Variants in GALNT17 observed in about 807,000 individuals in gnomAD.
The protein encoded by GALNT17 is UDP-GalNAc:polypeptide N-acetylgalactosaminyltransferase-like 3.
GALNT17 carries 29 observed loss-of-function variants against 63.7 expected under a neutral mutation model. That is an observed-to-expected ratio of 0.46 (90% CI 0.34 to 0.62). GALNT17 has a LOEUF of 0.62. Among genes scored for constraint, GALNT17 ranks in the 20% least tolerant of loss-of-function variants. GALNT17 has a pLI of 0.01. For missense variants in GALNT17, 603 were observed against 799.6 expected (o/e 0.75, Z 2.97); for synonymous variants, 305 against 318.3 (o/e 0.96, Z 0.45).
intron 5 of GALNT17, among the ~76,000 whole-genome samples, chr7:71,553,114 C>A (rs1444725200): frequency 2.6e-5 from 4 of 151,966 alleles, no homozygotes; most frequent in African/African-American, 9.7e-5. Flanking sequence ...TGCCTGAGCT[C>A]AGAAGTCTGA....
At chr7:71,486,663 C>G (rs1787915111) in intron 5 of GALNT17, among the ~76,000 whole-genome samples, 1 of 151,416 alleles carries the variant, frequency 6.6e-6, no homozygotes, top group African/African-American at 2.4e-5. Flanking sequence ...CAAGACCAGC[C>G]TGGGCAACAT....
intron 6 of GALNT17, among the ~76,000 whole-genome samples, chr7:71,585,040 A>T (rs1789695141): frequency 1.3e-5 from 2 of 152,320 alleles, no homozygotes; most frequent in South Asian, 4.1e-4. Flanking sequence ...GATTTAGCAG[A>T]TTGATGTTTC....
intron 5 of GALNT17, among the ~76,000 whole-genome samples, chr7:71,468,163 G>T (rs543419275): frequency 6.6e-6 from 1 of 152,114 alleles, no homozygotes; most frequent in Non-Finnish European, 1.5e-5. Context: ...GTGTAGTTGG[G>T]ACTGCAGATG....
chr7:71,314,297 T>C lies in GALNT17; in HGVS notation c.239-21253T>C, dbSNP rs1189070275. ...TCCGTGTCCATGACACAAAACTGCT[T>C]CTAATTTATTAGGCAATAGTCATTG... On this transcript the variant is annotated intron_variant, in intron 1 of 10. Transcript: ENST00000333538. Among the ~76,000 whole-genome samples the C allele has an allele frequency of 3.9e-5, 6 of 152,114 alleles. No homozygotes were observed. In the East Asian group the frequency reaches 1.2e-3, roughly 29 times the overall value.
At chr7:71,709,764 G>T (rs1791766785) in intron 9 of GALNT17, among the ~76,000 whole-genome samples, 1 of 151,788 alleles carries the variant, frequency 6.6e-6, no homozygotes, top group Non-Finnish European at 1.5e-5. Context: ...ACACCCAGCT[G>T]ATTTTTGTAG....
chr7:71,564,100 G>T (rs2116861267), intron 5 of GALNT17, among the ~76,000 whole-genome samples: 1 of 152,056 alleles, frequency 6.6e-6, no homozygotes, highest in South Asian at 2.1e-4. Context: ...GGTCTTGCCA[G>T]CTCCCAGCAC....
rs1316309878 is a variant in GALNT17 at position 71,701,773 on chromosome 7, A to ATG, written c.1501-8978_1501-8977dup. Among the ~76,000 whole-genome samples, 189 of 116,556 alleles carry ATG rather than the reference A, an allele frequency of 1.6e-3. 2 individuals carry two copies. The highest frequency in any genetic ancestry group is 5.9e-3 in the African/African-American group (179 of 30,334). The allele number at this position is 116,556 out of a possible 152,430, so 76.5% of individuals were successfully genotyped here. A position where few individuals can be genotyped will look rare whatever the true frequency, so the allele number is the denominator to read the frequency against. ...TATATGTATATATATGTGTATATAT[A>ATG]TGTGTGTGTGTATATATATGTGTGT... On this transcript the variant is annotated intron_variant, in intron 9 of 10. Coordinates refer to ENST00000333538, the MANE Select transcript of GALNT17 (RefSeq NM_022479.3).
chr7:71,280,199 A>G (rs1312986920), intron 1 of GALNT17, among the ~76,000 whole-genome samples: 1 of 152,124 alleles, frequency 6.6e-6, no homozygotes, highest in East Asian at 1.9e-4. Context: ...GTCCAGGATA[A>G]TGAGATGGGC....
At chr7:71,334,826 G>T (rs937528730) in intron 1 of GALNT17, among the ~76,000 whole-genome samples, 3 of 151,994 alleles carry the variant, frequency 2.0e-5, no homozygotes, top group Admixed American at 6.6e-5. Flanking sequence ...GGAAAGAGCT[G>T]TGTCAGAATG....
At chr7:71,357,292 G>T (rs552988179) in intron 2 of GALNT17, among the ~76,000 whole-genome samples, 1 of 152,138 alleles carries the variant, frequency 6.6e-6, no homozygotes. Context: ...CAGATCAGCG[G>T]CAGCATTAGA....
At chr7:71,484,263 G>T (rs1040958964) in intron 5 of GALNT17, among the ~76,000 whole-genome samples, 1 of 152,086 alleles carries the variant, frequency 6.6e-6, no homozygotes, top group Non-Finnish European at 1.5e-5. Flanking sequence ...TGAGGCGGGC[G>T]GATCACTTGA....
chr7:71,480,490 G>A lies in GALNT17; in HGVS notation c.962+59385G>A, dbSNP rs538859227. ...CCTCGAACAGCCAGTGCAGTGCATG[G>A]TGACTTGGTGACACATTACTGACCA... is the stretch of plus-strand genomic sequence containing the variant. On this transcript the variant is annotated intron_variant, in intron 5 of 10. Coordinates refer to ENST00000333538, the MANE Select transcript of GALNT17 (RefSeq NM_022479.3). Among the ~76,000 whole-genome samples, 44 of 151,866 alleles carry A rather than the reference G, an allele frequency of 2.9e-4. 5 individuals carry two copies. The East Asian group carries it at 2.9e-3, about 10-fold the overall frequency.
intron 8 of GALNT17, among the ~76,000 whole-genome samples, chr7:71,673,516 G>C (rs1791102534): frequency 1.3e-5 from 2 of 152,188 alleles, no homozygotes; most frequent in African/African-American, 4.8e-5. Context: ...TGGGTAGTAA[G>C]TAGGACTTTG....
intron 1 of GALNT17, among the ~76,000 whole-genome samples, chr7:71,182,488 T>C (rs1788752997): frequency 1.3e-5 from 2 of 152,174 alleles, no homozygotes; most frequent in Admixed American, 6.5e-5. Context: ...GGAGTATTTT[T>C]CTCCTAGTCT....
chr7:71,379,874 C>T lies in GALNT17; in HGVS notation c.423-8361C>T, dbSNP rs140016096. The stretch of plus-strand genomic sequence containing the variant: ...AGACTTGCATGAGGTCACCCAGGAC[C>T]CGTTTATGAAGAGAGAACAGTGAAG... On this transcript the variant is annotated intron_variant, in intron 2 of 10. Transcript: ENST00000333538. 7.4e-4 allele frequency among the ~76,000 whole-genome samples: 113 copies of T among 151,976 alleles called. 1 individual carries two copies. In the South Asian group the frequency reaches 0.013, roughly 17 times the overall value.
intron 1 of GALNT17, among the ~76,000 whole-genome samples, chr7:71,205,152 C>CTTTT (rs759200277): frequency 6.1e-5 from 7 of 115,006 alleles, no homozygotes; most frequent in East Asian, 2.6e-4. Flanking sequence ...TTACTTTTTA[C>CTTTT]TTTTTTTTTT....
chr7:71,647,330 A>G (rs984618242), intron 6 of GALNT17, among the ~76,000 whole-genome samples: 1 of 151,752 alleles, frequency 6.6e-6, no homozygotes, highest in Non-Finnish European at 1.5e-5. Context: ...CGGCCTCCCA[A>G]ATCACTGGGA....
Position 71,255,530 on chromosome 7 carries a change from G to T in GALNT17, c.239-80020G>T, listed in dbSNP as rs757505552. Among the ~76,000 whole-genome samples the T allele has an allele frequency of 1.3e-3, 200 of 152,344 alleles. 1 individual carries two copies. Among genetic ancestry groups the T allele is most frequent in the Non-Finnish European group, 4.4e-4 (30 of 68,036 alleles). ...CTAGCTAAGCCCAGTCAAGACAAAAGTCTGTTGACTTCTGCCTCCCCTGAA... is the reference window on the plus strand; with the variant it reads ...CTAGCTAAGCCCAGTCAAGACAAAATTCTGTTGACTTCTGCCTCCCCTGAA... On this transcript the variant is annotated intron_variant, in intron 1 of 10. Coordinates refer to ENST00000333538, the MANE Select transcript of GALNT17 (RefSeq NM_022479.3).
chr7:71,291,560 G>T (rs976594491), intron 1 of GALNT17, among the ~76,000 whole-genome samples: 3 of 152,098 alleles, frequency 2.0e-5, no homozygotes, highest in African/African-American at 4.8e-5. Flanking sequence ...TATTGCCAGG[G>T]TTATTCCTGG....
Sources: gnomAD v4.1 joint callset for allele counts (sites outside exome capture counted in the v4.1 genomes callset) on GRCh38, gnomAD v4.1.1 for gene constraint, MANE v1.5 for transcripts, NCBI Gene and HGNC (gene_info 2026-07-23, HGNC 2026-07-21) for gene names.